The following MRAP2 variants were observed in gnomAD, a reference collection of about 807,000 sequenced individuals.
The protein encoded by MRAP2 is melanocortin 2 receptor accessory protein 2.
MRAP2 carries 20 observed loss-of-function variants against 17.4 expected under a neutral mutation model. The observed-to-expected ratio is 1.15, with a 90% CI of 0.81 to 1.67. The LOEUF (loss-of-function observed/expected upper bound fraction) is 1.67, where lower values mean the gene tolerates loss of function less well. Among genes scored for constraint, MRAP2 ranks in the 40% most tolerant of loss-of-function variants. The pLI, the probability that MRAP2 is intolerant of heterozygous loss-of-function variation, is 0.00. For missense variants in MRAP2, 238 were observed against 240.0 expected, an observed-to-expected ratio of 0.99 and a Z score of 0.05; for synonymous variants, 96 against 88.4, an observed-to-expected ratio of 1.09 and a Z score of -0.48.
At chr6:84,131,678 T>C in the MRAP2 span, among the ~76,000 whole-genome samples, 5 of 152,014 alleles carry the variant, frequency 3.3e-5, no homozygotes, top group African/African-American at 9.7e-5. Context: ...TTTTTTTGTT[T>C]TGTTTTCCAT....
At chr6:84,102,396 GGAGAT>G in the MRAP2 span, among the ~76,000 whole-genome samples, 1 of 152,148 alleles carries the variant, frequency 6.6e-6, no homozygotes, top group Non-Finnish European at 1.5e-5. Flanking sequence ...AGAGCTTGAG[GGAGAT>G]GTGACCATGG....
Position 84,041,142 on chromosome 6 carries a change from C to T in MRAP2, c.-8+7259C>T, listed in dbSNP as rs6941487. ...CAGCCATGGCTAAAAGGGGCCAAGG[C>T]ATACAAAGGGGCCAAGGTATAGCTC... On this transcript the variant is annotated intron_variant, in intron 1 of 3. Coordinates refer to ENST00000257776, the MANE Select transcript of MRAP2 (RefSeq NM_138409.4). Among the ~76,000 whole-genome samples, 977 of 152,272 alleles carry T rather than the reference C, an allele frequency of 6.4e-3. 16 individuals carry two copies. Among genetic ancestry groups the T allele is most frequent in the African/African-American group, 0.022 (914 of 41,564 alleles).
the MRAP2 span, among the ~76,000 whole-genome samples, chr6:84,129,597 G>A: frequency 6.6e-6 from 1 of 152,048 alleles, no homozygotes; most frequent in Non-Finnish European, 1.5e-5. Flanking sequence ...TTTGTCAGAT[G>A]GATAGATTGC....
the MRAP2 span, among the ~76,000 whole-genome samples, chr6:84,140,895 G>T: frequency 1.3e-4 from 20 of 152,222 alleles, no homozygotes; most frequent in African/African-American, 4.8e-4. Context: ...TGGTACCAGG[G>T]ACTGGTTTTG....
the MRAP2 span, among the ~76,000 whole-genome samples, chr6:84,109,910 G>A: frequency 3.9e-5 from 6 of 152,048 alleles, no homozygotes; most frequent in African/African-American, 1.4e-4. Flanking sequence ...CTTCATCCAT[G>A]TCCCTGCAAA....
At position 84,033,789 on chromosome 6, in the gene MRAP2, CGGTGGGAGGCGGCG is replaced by C; in HGVS notation, c.-100_-87del. ...TAGGAGCTACTCGCCCGGCCCTGGG[CGGTGGGAGGCGGCG>C]GCGGCGGCGGCGCTCGCGCACCTCG... is the stretch of plus-strand genomic sequence containing the variant. On this transcript the variant is annotated 5_prime_UTR_variant, in exon 1 of 4. Transcript: ENST00000257776. The C allele has an allele frequency of 1.0e-6, 1 of 986,738 alleles. No homozygotes were observed. Among genetic ancestry groups the C allele is most frequent in the Non-Finnish European group, 1.2e-6 (1 of 830,948 alleles). The allele number at this position is 986,738 out of a possible 1,614,324, so 61.1% of individuals were successfully genotyped here.
the MRAP2 span, among the ~76,000 whole-genome samples, chr6:84,102,981 G>A: frequency 6.6e-6 from 1 of 152,184 alleles, no homozygotes. Context: ...CTTCAGTAAT[G>A]GTGGTAGCTA....
chr6:84,068,851 T>G (rs984711558), intron 3 of MRAP2, among the ~76,000 whole-genome samples: 12 of 148,514 alleles, frequency 8.1e-5, no homozygotes, highest in African/African-American at 2.8e-4. Context: ...TGTATTTTAG[T>G]AGAGATGGGG....
At chr6:84,067,730 G>GT (rs57643473) in intron 3 of MRAP2, among the ~76,000 whole-genome samples, 4,636 of 125,576 alleles carry the variant, frequency 0.037, 129 homozygotes, top group South Asian at 0.09. Flanking sequence ...GGATGGAATT[G>GT]TTTTTTTTTT....
chr6:84,102,019 T>A, the MRAP2 span, among the ~76,000 whole-genome samples: 1 of 152,134 alleles, frequency 6.6e-6, no homozygotes, highest in Non-Finnish European at 1.5e-5. Context: ...AGAATAATAA[T>A]AAGACATTAG....
chr6:84,118,017 G>A, the MRAP2 span, among the ~76,000 whole-genome samples: 3 of 152,182 alleles, frequency 2.0e-5, no homozygotes, highest in African/African-American at 7.2e-5. Context: ...GTTGTGCTGT[G>A]TTGGGGATCC....
chr6:84,057,628 T>A (rs962314329), intron 2 of MRAP2, among the ~76,000 whole-genome samples: 6 of 152,228 alleles, frequency 3.9e-5, no homozygotes, highest in Non-Finnish European at 1.5e-5. Context: ...TATTCATTCA[T>A]TCAATATATA....
At chr6:84,046,780 CAAAAAAAAAAAAAA>C (rs756963425) in intron 1 of MRAP2, among the ~76,000 whole-genome samples, 25 of 23,154 alleles carry the variant, frequency 1.1e-3, no homozygotes, top group Admixed American at 3.2e-3. Context: ...AACTCCATCT[CAAAAAAAAAAAAAA>C]AAAAAAAAAA....
chr6:84,058,421 G>C (rs535663652), intron 2 of MRAP2, among the ~76,000 whole-genome samples: 1 of 152,354 alleles, frequency 6.6e-6, no homozygotes, highest in South Asian at 2.1e-4. Flanking sequence ...TGAGTAACTG[G>C]CAGGATGGAA....
At chr6:84,083,129 T>C (rs142930415) in intron 3 of MRAP2, among the ~76,000 whole-genome samples, 28 of 152,250 alleles carry the variant, frequency 1.8e-4, no homozygotes, top group African/African-American at 6.3e-4. Flanking sequence ...TCAAGTGTGC[T>C]CTCATGGCGA....
chr6:84,085,632 A>C (rs1056864030), intron 3 of MRAP2, among the ~76,000 whole-genome samples: 1 of 152,168 alleles, frequency 6.6e-6, no homozygotes, highest in Non-Finnish European at 1.5e-5. Context: ...GCATAACCAA[A>C]CCCAAATCGG....
chr6:84,072,049 C>T (rs2099496325), intron 3 of MRAP2, among the ~76,000 whole-genome samples: 1 of 152,150 alleles, frequency 6.6e-6, no homozygotes, highest in Non-Finnish European at 1.5e-5. Flanking sequence ...AGCTTAATAA[C>T]TAACCTCCCA....
chr6:84,143,286 G>T, the MRAP2 span, among the ~76,000 whole-genome samples: 1 of 151,924 alleles, frequency 6.6e-6, no homozygotes, highest in Non-Finnish European at 1.5e-5. Flanking sequence ...ATAAAAATAT[G>T]CTTCTAGAAG....
chr6:84,132,031 T>G, the MRAP2 span, among the ~76,000 whole-genome samples: 458 of 152,254 alleles, frequency 3.0e-3, 2 homozygotes, highest in African/African-American at 0.01. Context: ...TTGTAAGGCA[T>G]GCCTGGTGGT....
Sources: gnomAD v4.1 joint callset for allele counts (sites outside exome capture counted in the v4.1 genomes callset) on GRCh38, gnomAD v4.1.1 for gene constraint, MANE v1.5 for transcripts, NCBI Gene and HGNC (gene_info 2026-07-23, HGNC 2026-07-21) for gene names.